PHLDB2: variants seen among roughly 807,000 people sequenced by gnomAD.
The protein encoded by PHLDB2 is pleckstrin homology like domain family B member 2, also known as pleckstrin homology-like domain family B member 2.
In PHLDB2, 71 loss-of-function variants were observed where a neutral mutation model predicts 123.6. The observed-to-expected ratio is 0.57, with a 90% CI of 0.47 to 0.70. The LOEUF is 0.70. Ranked by LOEUF, PHLDB2 falls within the 30% of genes least tolerant of loss-of-function variation. The pLI, the probability that PHLDB2 is intolerant of heterozygous loss-of-function variation, is 0.00. For missense variants in PHLDB2, 1,446 were observed against 1,519.5 expected, an observed-to-expected ratio of 0.95 and a Z score of 0.80; for synonymous variants, 547 against 541.6, an observed-to-expected ratio of 1.01 and a Z score of -0.14.
chr3:111,858,892 C>G (rs1159291731), upstream of PHLDB2, among the ~76,000 whole-genome samples: 1 of 152,214 alleles, frequency 6.6e-6, no homozygotes, highest in African/African-American at 2.4e-5. Context: ...CCCTCGGTCT[C>G]ATTCGTTGAC....
At chr3:111,766,032 A>G (rs1192626192) in intron 1 of PHLDB2, among the ~76,000 whole-genome samples, 1 of 152,220 alleles carries the variant, frequency 6.6e-6, no homozygotes, top group Non-Finnish European at 1.5e-5. Flanking sequence ...AAAATTTATT[A>G]TAGTGTCTTT....
At chr3:111,879,866 CT>C (rs1230148960) in intron 1 of PHLDB2, among the ~76,000 whole-genome samples, 1 of 152,032 alleles carries the variant, frequency 6.6e-6, no homozygotes. Flanking sequence ...TCTTCATCAT[CT>C]GACAGTGGTT....
At chr3:111,757,504 C>T (rs1455463472) in intron 1 of PHLDB2, among the ~76,000 whole-genome samples, 4 of 152,136 alleles carry the variant, frequency 2.6e-5, no homozygotes, top group South Asian at 2.1e-4. Context: ...TCAACTTCTT[C>T]GCCTTTGGTT....
intron 9 of PHLDB2, among the ~76,000 whole-genome samples, chr3:111,946,397 C>T (rs1415467144): frequency 6.6e-6 from 1 of 151,988 alleles, no homozygotes; most frequent in Non-Finnish European, 1.5e-5. Flanking sequence ...CGTGTTTGCA[C>T]AATCAAAAAA....
intron 1 of PHLDB2, among the ~76,000 whole-genome samples, chr3:111,752,972 A>G (rs1218997087): frequency 6.6e-6 from 1 of 152,210 alleles, no homozygotes; most frequent in Non-Finnish European, 1.5e-5. Flanking sequence ...TACAAAGGAC[A>G]TGAACTCATC....
chr3:111,872,875 A>G (rs1325878419), intron 1 of PHLDB2, among the ~76,000 whole-genome samples: 4 of 152,220 alleles, frequency 2.6e-5, no homozygotes, highest in Non-Finnish European at 5.9e-5. Flanking sequence ...ATATACATTC[A>G]GCTGTGGCAC....
rs1234683884 is a variant in PHLDB2, at chr3:111,736,431, G to A, written c.-49+3728G>A. Among the ~76,000 whole-genome samples the A allele has an allele frequency of 3.9e-5, 6 of 152,132 alleles. No homozygotes were observed. The East Asian group carries it at 1.2e-3, about 29-fold the overall frequency. ...TCTTCACCACAGCCCTGTAAGATGAGTACTGTTTTCAGATGATATCCTTTC... is the reference window on the plus strand; with the variant it reads ...TCTTCACCACAGCCCTGTAAGATGAATACTGTTTTCAGATGATATCCTTTC... On this transcript the variant is annotated intron_variant, in intron 1 of 17. Coordinates refer to the PHLDB2 transcript ENST00000393923.
At chr3:111,950,319 C>G (rs546597798) in intron 10 of PHLDB2, among the ~76,000 whole-genome samples, 1 of 152,104 alleles carries the variant, frequency 6.6e-6, no homozygotes, top group Non-Finnish European at 1.5e-5. Context: ...ATTTGTTAAA[C>G]GTTTTACTCC....
intron 1 of PHLDB2, among the ~76,000 whole-genome samples, chr3:111,738,117 C>T (rs1275650221): frequency 1.3e-5 from 2 of 152,136 alleles, no homozygotes; most frequent in African/African-American, 2.4e-5. Flanking sequence ...AGCTCTGCTT[C>T]CTAGCTAGGA....
rs187613727 is a variant in PHLDB2 at position 111,767,467 on chromosome 3, C to T, written c.-49+34764C>T. On this transcript the variant is annotated intron_variant, in intron 1 of 17. Coordinates refer to the PHLDB2 transcript ENST00000393923. Reference sequence around the variant, plus strand: ...GACATAACTTAGAATTGGAAACAGGCATTTTCACTATAAGCAGAAGTTTCT... The same window carrying T: ...GACATAACTTAGAATTGGAAACAGGTATTTTCACTATAAGCAGAAGTTTCT... Among the ~76,000 whole-genome samples the T allele has an allele frequency of 4.6e-5, 7 of 152,326 alleles. No individual in the cohort carries two copies. The East Asian group carries it at 1.2e-3, about 25-fold the overall frequency.
intron 1 of PHLDB2, among the ~76,000 whole-genome samples, chr3:111,783,256 C>A (rs2060550474): frequency 6.6e-6 from 1 of 152,060 alleles, no homozygotes; most frequent in African/African-American, 2.4e-5. Context: ...GGGGCAATAG[C>A]AGAAGAGCCA....
chr3:111,908,294 A>G (rs1354428343), intron 2 of PHLDB2, among the ~76,000 whole-genome samples: 1 of 152,154 alleles, frequency 6.6e-6, no homozygotes, highest in African/African-American at 2.4e-5. Context: ...TAAGTAACTG[A>G]GCTTTCTTTA....
intron 1 of PHLDB2, among the ~76,000 whole-genome samples, chr3:111,812,691 G>A (rs959398168): frequency 6.6e-6 from 1 of 152,126 alleles, no homozygotes; most frequent in African/African-American, 2.4e-5. Context: ...TTTTTTCCCT[G>A]AGAGAACTCA....
intron 1 of PHLDB2, among the ~76,000 whole-genome samples, chr3:111,773,884 G>A (rs1177307162): frequency 6.6e-6 from 1 of 152,186 alleles, no homozygotes; most frequent in Non-Finnish European, 1.5e-5. Flanking sequence ...CACTTCTTGT[G>A]TTGAAAACTT....
At chr3:111,844,649 G>T (rs1310797737) in intron 1 of PHLDB2, among the ~76,000 whole-genome samples, 1 of 152,118 alleles carries the variant, frequency 6.6e-6, no homozygotes, top group Non-Finnish European at 1.5e-5. Flanking sequence ...CACCATTAAG[G>T]TTCATTCTCC....
At chr3:111,821,395 T>C (rs2062373965) in intron 1 of PHLDB2, among the ~76,000 whole-genome samples, 2 of 152,152 alleles carry the variant, frequency 1.3e-5, no homozygotes, top group African/African-American at 4.8e-5. Flanking sequence ...AGATTTATTT[T>C]AAGGAATTGA....
chr3:111,903,250 T>G (rs1005537748), intron 2 of PHLDB2, among the ~76,000 whole-genome samples: 6 of 152,264 alleles, frequency 3.9e-5, no homozygotes, highest in Admixed American at 1.3e-4. Flanking sequence ...GAAGCCTGGG[T>G]TTTATGTCAA....
At chr3:111,804,231 T>G (rs574535226) in intron 1 of PHLDB2, among the ~76,000 whole-genome samples, 8 of 152,310 alleles carry the variant, frequency 5.3e-5, no homozygotes, top group Admixed American at 1.3e-4. Context: ...TGGACAATAT[T>G]GTTCCTATTG....
chr3:111,751,883 C>G (rs961164167), intron 1 of PHLDB2, among the ~76,000 whole-genome samples: 3 of 151,932 alleles, frequency 2.0e-5, no homozygotes, highest in African/African-American at 7.3e-5. Flanking sequence ...CTGCAATGAG[C>G]TAGAAAGTTG....
Sources: gnomAD v4.1 joint callset for allele counts (sites outside exome capture counted in the v4.1 genomes callset) on GRCh38, gnomAD v4.1.1 for gene constraint, MANE v1.5 for transcripts, NCBI Gene and HGNC (gene_info 2026-07-23, HGNC 2026-07-21) for gene names.